Variants in CXCL9 observed in about 807,000 individuals in gnomAD.
CXCL9 encodes C-X-C motif chemokine ligand 9, also known as C-X-C motif chemokine 9.
In CXCL9, 8 loss-of-function variants were observed where a neutral mutation model predicts 11.7. The ratio of observed to expected loss-of-function variants is 0.68; its 90% confidence interval spans 0.40 to 1.23. The LOEUF is 1.23. Among genes scored for constraint, CXCL9 ranks in the 50% most tolerant of loss-of-function variants. CXCL9 has a pLI of 0.01. For synonymous variants in CXCL9, 43 were observed against 48.2 expected, an observed-to-expected ratio of 0.89 and a Z score of 0.45; for missense variants, 133 against 141.7, an observed-to-expected ratio of 0.94 and a Z score of 0.31.
rs1731479860 is a variant in CXCL9 at position 76,002,176 on chromosome 4, G to T, written c.*1422C>A. The T allele has an allele frequency of 2.5e-6, 1 of 397,412 alleles. No homozygotes were observed. Among genetic ancestry groups the T allele is most frequent in the East Asian group, 3.6e-5 (1 of 28,040 alleles). The allele number at this position is 397,412 out of a possible 1,614,324, so 24.6% of individuals were successfully genotyped here. ...TAGAAAGCTGAGGCTTATTGAGAAAGCCCTTTTCCTTCGGGAAAAGGAATT... is the reference window on the plus strand; with the variant it reads ...TAGAAAGCTGAGGCTTATTGAGAAATCCCTTTTCCTTCGGGAAAAGGAATT... On this transcript the variant is annotated 3_prime_UTR_variant, in exon 4 of 4. Coordinates refer to ENST00000264888, the MANE Select transcript of CXCL9 (RefSeq NM_002416.3).
rs1731485710 is a variant in CXCL9 at position 76,002,473 on chromosome 4, G to GA, written c.*1124dup. On this transcript the variant is annotated 3_prime_UTR_variant, in exon 4 of 4. Transcript: ENST00000264888. Reference sequence around the variant, plus strand: ...AGGCTAGCCAACATGGAGTAGCCAGGAAAGAGCCAGCACCTGCTCTGAGAC... The same window carrying GA: ...AGGCTAGCCAACATGGAGTAGCCAGGAAAAGAGCCAGCACCTGCTCTGAGAC... 1 of 397,632 alleles carries GA rather than the reference G, an allele frequency of 2.5e-6. No individual in the cohort carries two copies. Among genetic ancestry groups the GA allele is most frequent in the Non-Finnish European group, 4.4e-6 (1 of 225,692 alleles). 24.6% of individuals were successfully genotyped at this position (397,632 alleles called of 1,614,324 possible).
chr4:76,003,955 C>T lies in CXCL9; in HGVS notation c.277-256G>A, dbSNP rs369829072. ...TCTCCTGGCAACCTTGCTTACCACTCACCTGCCCCAGCTACAACCCTCTGA... is the reference window on the plus strand; with the variant it reads ...TCTCCTGGCAACCTTGCTTACCACTTACCTGCCCCAGCTACAACCCTCTGA... On this transcript the variant is annotated intron_variant, in intron 3 of 3. Coordinates refer to ENST00000264888, the MANE Select transcript of CXCL9 (RefSeq NM_002416.3). Among the ~76,000 whole-genome samples, 20 of 152,338 alleles carry T rather than the reference C, an allele frequency of 1.3e-4. No homozygotes were observed. In the East Asian group the frequency reaches 2.3e-3, roughly 18 times the overall value.
At chr4:76,005,042 G>T in intron 2 of CXCL9, 149 bp from the exon 3 acceptor site, 1 of 1,182,348 alleles carries the variant, frequency 8.5e-7, no homozygotes, top group South Asian at 3.1e-5. Flanking sequence ...GTCACTGGTT[G>T]AATTTTTTTT....
chr4:76,005,446 G>A (rs1483784609), intron 2 of CXCL9: 1 of 152,180 alleles, frequency 6.6e-6, no homozygotes, highest in Non-Finnish European at 1.5e-5. Context: ...AGTCAAGGAT[G>A]ACTTATAAAG....
rs1394964996 is a variant in CXCL9, at chr4:76,006,157, A to G, written c.182T>C (p.Ile61Thr). 5 of 1,613,162 alleles carry G rather than the reference A, an allele frequency of 3.1e-6. No individual in the cohort carries two copies. Among genetic ancestry groups the G allele is most frequent in the Admixed American group, 3.3e-5 (2 of 59,972 alleles). Residue 61 changes from isoleucine to threonine, a missense_variant, in exon 2 of 4, where the codon ATT becomes ACT. Coordinates refer to ENST00000264888, the MANE Select transcript of CXCL9 (RefSeq NM_002416.3). ...CTGGGTTGTTACTTACATGATTTCA[A>G]TTTTCTCGCAGGAAGGGCTTGGGGC... ...QFAPSPSCEK[I>T]EIIATLKNGV...
intron 2 of CXCL9, 32 bp from the exon 3 acceptor site, chr4:76,004,925 T>C (rs1482803306): frequency 2.0e-6 from 3 of 1,506,340 alleles, no homozygotes; most frequent in Non-Finnish European, 2.7e-6. Context: ...GATAGTTTTT[T>C]CTCATTAATA....
In CXCL9 at chr4:76,002,529, ACAT is replaced by A; in HGVS notation, c.*1066_*1068del. 2.5e-6 allele frequency: 1 copy of A among 395,534 alleles called. No individual in the cohort carries two copies. Among genetic ancestry groups the A allele is most frequent in the Non-Finnish European group, 4.5e-6 (1 of 224,654 alleles). 24.5% of individuals were successfully genotyped at this position (395,534 alleles called of 1,614,324 possible). A position where few individuals can be genotyped will look rare whatever the true frequency, so the allele number is the denominator to read the frequency against. On this transcript the variant is annotated 3_prime_UTR_variant, in exon 4 of 4. Coordinates refer to ENST00000264888, the MANE Select transcript of CXCL9 (RefSeq NM_002416.3). ...TCTGGTTGCCATCCTGCCCATAACAACATCAATTAAAAAATTATTAAAACCTAG... is the reference window on the plus strand; with the variant it reads ...TCTGGTTGCCATCCTGCCCATAACAACAATTAAAAAATTATTAAAACCTAG...
At chr4:76,005,994 G>A in intron 2 of CXCL9, 154 bp downstream of exon 2, 1 of 607,866 alleles carries the variant, frequency 1.6e-6, no homozygotes, top group Non-Finnish European at 2.9e-6. Context: ...CATTTTTAAG[G>A]AGAAGAAAAG....
chr4:76,006,871 A>C (rs986515966), intron 1 of CXCL9, among the ~76,000 whole-genome samples: 4 of 152,234 alleles, frequency 2.6e-5, no homozygotes, highest in African/African-American at 4.8e-5. Flanking sequence ...TCATATATTT[A>C]CTTGGTACTT....
At position 76,006,133 on chromosome 4, in the gene CXCL9, T is replaced by C; in HGVS notation, c.191+15A>G. On this transcript the variant is annotated intron_variant, in intron 2 of 3. Transcript: ENST00000264888. ...GCCAATATGGTGCATGCATGTTAGCTGGGTTGTTACTTACATGATTTCAAT... is the reference window on the plus strand; with the variant it reads ...GCCAATATGGTGCATGCATGTTAGCCGGGTTGTTACTTACATGATTTCAAT... The C allele has an allele frequency of 6.2e-7, 1 of 1,611,230 alleles. No individual in the cohort carries two copies. The highest frequency in any genetic ancestry group is 8.5e-7 in the Non-Finnish European group (1 of 1,177,710).
chr4:76,003,663 G>A lies in CXCL9; in HGVS notation c.313C>T (p.His105Tyr). The change falls in exon 4 of 4, where the codon CAT becomes TAT. Residue 105 changes from histidine to tyrosine, a missense_variant. By Grantham distance (83) the His-to-Tyr change is moderately conservative. Transcript: ENST00000264888. ...ACTTTCAGAACTTTCTTTTTTTGAT[G>A]TTTTTTCCCATTCTTTTGCTTTTTC... is the stretch of plus-strand genomic sequence containing the variant. ...QKKKQKNGKKHQKKKVLKVRK... is the reference protein window; with the variant it reads ...QKKKQKNGKKYQKKKVLKVRK... The A allele has an allele frequency of 1.2e-6, 2 of 1,612,020 alleles. No homozygotes were observed. The highest frequency in any genetic ancestry group is 8.5e-7 in the Non-Finnish European group (1 of 1,178,990).
chr4:76,004,979 T>G (rs1731557648), intron 2 of CXCL9, 86 bp from the exon 3 acceptor site: 2 of 1,398,920 alleles, frequency 1.4e-6, no homozygotes, highest in Non-Finnish European at 1.9e-6. Context: ...CAGTATGAAT[T>G]GTGCTGAATT....
intron 1 of CXCL9, among the ~76,000 whole-genome samples, chr4:76,007,017 A>G (rs1198695564): frequency 6.6e-6 from 1 of 152,222 alleles, no homozygotes; most frequent in Non-Finnish European, 1.5e-5. Context: ...GTTAGTAAAT[A>G]GATTAGGGAC....
rs887978071 is a variant in CXCL9, at chr4:76,002,058, A to G, written c.*1540T>C. On this transcript the variant is annotated 3_prime_UTR_variant, in exon 4 of 4. Coordinates refer to ENST00000264888, the MANE Select transcript of CXCL9 (RefSeq NM_002416.3). ...GATGGTGTGGTAATTGATAATCACA[A>G]TACAAACTCTGAAACAAGTAAACGG... The G allele has an allele frequency of 8.2e-6, 3 of 364,902 alleles. No individual in the cohort carries two copies. The highest frequency in any genetic ancestry group is 9.3e-5 in the Admixed American group (2 of 21,592). The allele number at this position is 364,902 out of a possible 1,614,324, so 22.6% of individuals were successfully genotyped here.
At position 76,002,432 on chromosome 4, in the gene CXCL9, A is replaced by C. The variant is rs1478692200; in HGVS notation, c.*1166T>G. The C allele has an allele frequency of 2.5e-6, 1 of 398,384 alleles. No individual in the cohort carries two copies. Among genetic ancestry groups the C allele is most frequent in the African/African-American group, 2.1e-5 (1 of 48,624 alleles). The allele number at this position is 398,384 out of a possible 1,614,324, so 24.7% of individuals were successfully genotyped here. ...TGTAGTGAGTGTCCTGAAGATAATAAGTAAGAGGTTACCAGAGGCTAGCCA... is the reference window on the plus strand; with the variant it reads ...TGTAGTGAGTGTCCTGAAGATAATACGTAAGAGGTTACCAGAGGCTAGCCA... On this transcript the variant is annotated 3_prime_UTR_variant, in exon 4 of 4. Coordinates refer to ENST00000264888, the MANE Select transcript of CXCL9 (RefSeq NM_002416.3).
In CXCL9 at chr4:76,007,457, G is replaced by A; in HGVS notation, c.-8C>T. The A allele has an allele frequency of 6.5e-7, 1 of 1,549,746 alleles. No homozygotes were observed. The highest frequency in any genetic ancestry group is 8.9e-7 in the Non-Finnish European group (1 of 1,121,384). On this transcript the variant is annotated 5_prime_UTR_variant, in exon 1 of 4. Transcript: ENST00000264888. ...AACACCACTTTTCTTCATAGTGATA[G>A]AATGGAGTTCCAAGTCACTCCTGTA...
At chr4:76,004,641 G>A (rs1731549342) in intron 3 of CXCL9, among the ~76,000 whole-genome samples, 168 bp downstream of exon 3, 1 of 152,192 alleles carries the variant, frequency 6.6e-6, no homozygotes, top group Non-Finnish European at 1.5e-5. Context: ...GATACTATAT[G>A]TAGGAACCTA....
Position 76,003,694 on chromosome 4 carries a change from G to A in CXCL9, c.282C>T (p.Ser94=), listed in dbSNP as rs1731523907. The A allele has an allele frequency of 2.5e-6, 4 of 1,594,184 alleles. No individual in the cohort carries two copies. Among genetic ancestry groups the A allele is most frequent in the Non-Finnish European group, 3.4e-6 (4 of 1,165,346 alleles). The part of the protein sequence containing the change: ...ELIKKWEKQV[S]QKKKQKNGKK... ...TCCCATTCTTTTGCTTTTTCTTTTG[G>A]CTGACCTGTGAGAAGAAGGGGAAAA... Residue 94 remains serine, a synonymous_variant, in exon 4 of 4, where the codon AGC becomes AGT. Coordinates refer to ENST00000264888, the MANE Select transcript of CXCL9 (RefSeq NM_002416.3).
At position 76,005,559 on chromosome 4, in the gene CXCL9, A is replaced by C. The variant is rs140164521; in HGVS notation, c.191+589T>G. On this transcript the variant is annotated intron_variant, in intron 2 of 3. Transcript: ENST00000264888. ...AGTAAGTTTTATTTCAGCAGTAAAA[A>C]TTTGGAAATAATCTATATTTCCAAC... 2.2e-4 allele frequency: 33 copies of C among 152,392 alleles called. 1 individual carries two copies. The highest frequency in any genetic ancestry group is 7.9e-4 in the African/African-American group (33 of 41,578). 9.4% of individuals were successfully genotyped at this position (152,392 alleles called of 1,614,324 possible). A position where few individuals can be genotyped will look rare whatever the true frequency, so the allele number is the denominator to read the frequency against.
Sources: allele counts gnomAD v4.1 joint callset (sites outside exome capture counted in the v4.1 genomes callset), GRCh38; gene constraint gnomAD v4.1.1; transcripts MANE v1.5; gene names NCBI Gene and HGNC (gene_info 2026-07-23, HGNC 2026-07-21).